SH3RF2: variants seen among roughly 807,000 people sequenced by gnomAD.
SH3RF2 encodes E3 ubiquitin-protein ligase SH3RF2.
In SH3RF2, 43 loss-of-function variants were observed where a neutral mutation model predicts 59.0. The ratio of observed to expected loss-of-function variants is 0.73; its 90% CI spans 0.57 to 0.94. The LOEUF is 0.94. SH3RF2 is among the 40% of genes least tolerant of loss of function. SH3RF2 has a pLI of 0.00. For missense variants in SH3RF2, 930 were observed against 940.1 expected (o/e 0.99, Z 0.14); for synonymous variants, 391 against 391.5 (o/e 1.00, Z 0.01).
Position 146,017,613 on chromosome 5 carries a change from G to A in SH3RF2, c.1059+3552G>A, listed in dbSNP as rs35396892. Among the ~76,000 whole-genome samples the A allele has an allele frequency of 9.4e-3, 1,435 of 152,020 alleles. 7 individuals are homozygous for A. The highest frequency in any genetic ancestry group is 0.014 in the Non-Finnish European group (926 of 67,974). On this transcript the variant is annotated intron_variant, in intron 5 of 9. Coordinates refer to ENST00000359120, the MANE Select transcript of SH3RF2 (RefSeq NM_152550.4). ...CCCTCCTTCTGTATCACAGATCCAG[G>A]GTAGCAGAACTGCTATGCAACTAGA... is the stretch of plus-strand genomic sequence containing the variant.
chr5:146,011,721 C>T (rs550775474), intron 4 of SH3RF2, among the ~76,000 whole-genome samples: 2 of 152,224 alleles, frequency 1.3e-5, no homozygotes, highest in South Asian at 2.1e-4. Flanking sequence ...GATTTTTGCA[C>T]ATTGATTTTG....
intron 9 of SH3RF2, among the ~76,000 whole-genome samples, chr5:146,071,469 T>C (rs1259304365): frequency 6.6e-6 from 1 of 152,256 alleles, no homozygotes; most frequent in Non-Finnish European, 1.5e-5. Flanking sequence ...TTTCTAAATA[T>C]TCTGTTCTGC....
intron 9 of SH3RF2, among the ~76,000 whole-genome samples, chr5:146,073,021 A>AT (rs984553853): frequency 2.0e-5 from 3 of 152,122 alleles, no homozygotes; most frequent in African/African-American, 7.2e-5. Context: ...ATTTACATTC[A>AT]TTTTCTCATT....
At chr5:146,078,992 A>C in exon 10 of SH3RF2, 1 of 152,226 alleles carries the variant, frequency 6.6e-6, no homozygotes, top group East Asian at 1.9e-4. Context: ...CTCCCCACCA[A>C]GCATCCTGCA....
chr5:146,049,765 G>A (rs939203165), intron 7 of SH3RF2, among the ~76,000 whole-genome samples: 1 of 152,050 alleles, frequency 6.6e-6, no homozygotes, highest in African/African-American at 2.4e-5. Flanking sequence ...TGAAATGCTA[G>A]TAACCCTGCA....
At chr5:146,062,368 T>C in intron 9 of SH3RF2, 58 bp from the exon 10 acceptor site, 1 of 1,570,068 alleles carries the variant, frequency 6.4e-7, no homozygotes, top group Non-Finnish European at 8.7e-7. Context: ...GGGACAAGCA[T>C]GGGGAAATAG....
chr5:146,049,970 A>C (rs996486921), intron 7 of SH3RF2: 1 of 152,590 alleles, frequency 6.6e-6, no homozygotes, highest in Admixed American at 6.5e-5. Flanking sequence ...TGAGGCTACC[A>C]CCACACATCC....
At chr5:145,992,056 T>C (rs867576013) in intron 2 of SH3RF2, among the ~76,000 whole-genome samples, 12 of 152,182 alleles carry the variant, frequency 7.9e-5, no homozygotes, top group Admixed American at 2.0e-4. Flanking sequence ...CAGATTCTCA[T>C]AGGGGGAAAC....
chr5:146,010,660 T>G (rs991921600), intron 4 of SH3RF2, among the ~76,000 whole-genome samples: 17 of 152,324 alleles, frequency 1.1e-4, no homozygotes, highest in South Asian at 6.2e-4. Context: ...TGTGTCTTTT[T>G]GCTGCATAAA....
intron 2 of SH3RF2, among the ~76,000 whole-genome samples, chr5:145,999,660 A>G (rs1482224055): frequency 1.3e-5 from 2 of 152,130 alleles, no homozygotes; most frequent in Non-Finnish European, 2.9e-5. Context: ...GAAAATGACC[A>G]GTTTGTGGAG....
At chr5:145,937,736 C>T (rs1757648914) in intron 1 of SH3RF2, 87 bp from the exon 2 acceptor site, 2 of 642,486 alleles carry the variant, frequency 3.1e-6, no homozygotes, top group Middle Eastern at 4.4e-4. Context: ...TTGCAAACTG[C>T]CTTATGAGAC....
intron 2 of SH3RF2, among the ~76,000 whole-genome samples, chr5:145,962,959 G>T (rs562600698): frequency 7.0e-6 from 1 of 142,504 alleles, no homozygotes; most frequent in Admixed American, 7.4e-5. Context: ...GTGCAGTGGC[G>T]CAATCTTGGC....
chr5:146,006,881 G>A (rs1028004428), intron 4 of SH3RF2, among the ~76,000 whole-genome samples: 21 of 152,208 alleles, frequency 1.4e-4, no homozygotes, highest in African/African-American at 5.1e-4. Context: ...GGGCCATCTG[G>A]TAGCTGCATC....
At chr5:146,081,711 A>C (rs1437580042) in exon 10 of SH3RF2, 1 of 152,206 alleles carries the variant, frequency 6.6e-6, no homozygotes, top group African/African-American at 2.4e-5. Context: ...CCCAGCTGTA[A>C]GCGTGTGAAG....
chr5:146,042,377 A>G (rs1762158717), intron 5 of SH3RF2, among the ~76,000 whole-genome samples: 1 of 152,232 alleles, frequency 6.6e-6, no homozygotes, highest in African/African-American at 2.4e-5. Context: ...TCTATTGAGC[A>G]CTTACATTGC....
chr5:146,009,315 C>T (rs1225083774), intron 4 of SH3RF2, among the ~76,000 whole-genome samples: 1 of 152,114 alleles, frequency 6.6e-6, no homozygotes, highest in African/African-American at 2.4e-5. Context: ...TTCCCAGGCT[C>T]TTGTGATCTG....
intron 9 of SH3RF2, among the ~76,000 whole-genome samples, chr5:146,069,632 G>A (rs1763186966): frequency 6.6e-6 from 1 of 152,214 alleles, no homozygotes; most frequent in African/African-American, 2.4e-5. Flanking sequence ...GGAGTGCAGT[G>A]GCACAATCTC....
At position 146,073,257 on chromosome 5, in the gene SH3RF2, C is replaced by G. The variant is rs370348900; in HGVS notation, c.*34-5203C>G. ...GTCTTTTCTCATCTGGTGGTCCCCA[C>G]GGCCTCACCACCTCATCTGCTGAAG... On this transcript the variant is annotated intron_variant, in intron 9 of 9. Coordinates refer to the SH3RF2 transcript ENST00000511217. 1.6e-4 allele frequency among the ~76,000 whole-genome samples: 25 copies of G among 152,358 alleles called. No homozygotes were observed. In the East Asian group the frequency reaches 4.8e-3, roughly 29 times the overall value.
chr5:145,949,764 C>T (rs1374866438), intron 2 of SH3RF2, among the ~76,000 whole-genome samples: 1 of 152,152 alleles, frequency 6.6e-6, no homozygotes, highest in Non-Finnish European at 1.5e-5. Context: ...GCATTTTTAA[C>T]AGGGGAAAAA....
Sources: gnomAD v4.1 joint callset for allele counts (sites outside exome capture counted in the v4.1 genomes callset) on GRCh38, gnomAD v4.1.1 for gene constraint, MANE v1.5 for transcripts, NCBI Gene and HGNC (gene_info 2026-07-23, HGNC 2026-07-21) for gene names.